Variants in RYR2 observed in about 807,000 individuals in gnomAD.
The protein encoded by RYR2 is cardiac muscle ryanodine receptor-calcium release channel.
In RYR2, 227 loss-of-function variants were observed where a neutral mutation model predicts 601.1. That is an observed-to-expected ratio of 0.38 (90% CI 0.34 to 0.42). The LOEUF (loss-of-function observed/expected upper bound fraction) is 0.42. RYR2 is among the 10% of genes least tolerant of loss of function. The probability of loss-of-function intolerance (pLI) is 1.00; values close to 1 mark genes in which losing one functional copy is unlikely to be tolerated. For synonymous variants in RYR2, 2,223 were observed against 2,175.1 expected (o/e 1.02, Z -0.61); for missense variants, 4,646 against 6,156.5 (o/e 0.75, Z 8.21).
intron 75 of RYR2, 59 bp downstream of exon 75, chr1:237,726,367 A>AT (rs1553301721): frequency 2.7e-6 from 3 of 1,095,468 alleles, no homozygotes; most frequent in East Asian, 2.5e-5. Flanking sequence ...ATATGTTGGG[A>AT]TTTTTTCTTT....
chr1:237,317,028 C>G (rs1695181532), intron 2 of RYR2, among the ~76,000 whole-genome samples: 2 of 152,122 alleles, frequency 1.3e-5, no homozygotes, highest in African/African-American at 4.8e-5. Flanking sequence ...GGAAAGAACC[C>G]TACCTCCCCA....
At chr1:237,682,332 C>T (rs1485364195) in intron 62 of RYR2, among the ~76,000 whole-genome samples, 1 of 152,038 alleles carries the variant, frequency 6.6e-6, no homozygotes. Flanking sequence ...AGTTGATGTC[C>T]CTTTGGGGCT....
rs113486481 is a variant in RYR2, at chr1:237,131,783, C to T, written c.48+89214C>T. ...TCACCCAGGCTGTAGTGCAGTGGCACGATCATGGCTCATTGCAGCTTCGAC... is the reference window on the plus strand; with the variant it reads ...TCACCCAGGCTGTAGTGCAGTGGCATGATCATGGCTCATTGCAGCTTCGAC... On this transcript the variant is annotated intron_variant, in intron 1 of 104. Transcript: ENST00000366574. Among the ~76,000 whole-genome samples the T allele has an allele frequency of 4.5e-3, 686 of 152,016 alleles. 3 individuals carry two copies. The highest frequency in any genetic ancestry group is 0.015 in the African/African-American group (639 of 41,452).
chr1:237,348,057 G>C (rs2149653703), intron 3 of RYR2, among the ~76,000 whole-genome samples: 1 of 152,224 alleles, frequency 6.6e-6, no homozygotes, highest in East Asian at 1.9e-4. Flanking sequence ...GACAACGTAG[G>C]CAGAATTTGA....
At chr1:237,247,770 ATTGTT>A (rs1687006321) in intron 1 of RYR2, among the ~76,000 whole-genome samples, 1 of 152,174 alleles carries the variant, frequency 6.6e-6, no homozygotes, top group Non-Finnish European at 1.5e-5. Context: ...GAAAAAAATC[ATTGTT>A]TTAAGAGGGA....
chr1:237,095,954 T>G (rs535142559), intron 1 of RYR2, among the ~76,000 whole-genome samples: 35 of 152,222 alleles, frequency 2.3e-4, no homozygotes, highest in Non-Finnish European at 4.7e-4. Flanking sequence ...CACCTTCCAC[T>G]GGAGCCATTC....
At chr1:237,315,303 T>G (rs1695003589) in intron 2 of RYR2, among the ~76,000 whole-genome samples, 1 of 152,184 alleles carries the variant, frequency 6.6e-6, no homozygotes, top group Non-Finnish European at 1.5e-5. Flanking sequence ...CATTTTAATG[T>G]TTGAGTCTGA....
chr1:237,149,198 A>G (rs912684780), intron 1 of RYR2, among the ~76,000 whole-genome samples: 2 of 152,128 alleles, frequency 1.3e-5, no homozygotes, highest in Admixed American at 6.6e-5. Flanking sequence ...GGTGTCGCTT[A>G]TTTTCTATGC....
At chr1:237,434,854 C>A (rs1057421030) in intron 12 of RYR2, among the ~76,000 whole-genome samples, 2 of 152,130 alleles carry the variant, frequency 1.3e-5, no homozygotes, top group Non-Finnish European at 2.9e-5. Context: ...TGGCTCACTG[C>A]AACCTCCACC....
In RYR2 at chr1:237,464,856, G is replaced by A. The variant is rs148677627; in HGVS notation, c.1613-4236G>A. Among the ~76,000 whole-genome samples, 82 of 152,256 alleles carry A rather than the reference G, an allele frequency of 5.4e-4. 1 individual carries two copies. Among genetic ancestry groups the A allele is most frequent in the African/African-American group, 1.9e-3 (79 of 41,546 alleles). On this transcript the variant is annotated intron_variant, in intron 16 of 104. Coordinates refer to ENST00000366574, the MANE Select transcript of RYR2 (RefSeq NM_001035.3). ...TTTAGCAGATGTACACTTCTGTGCT[G>A]AGGTAATGTCACCATTTACTTATTT... is the stretch of plus-strand genomic sequence containing the variant.
intron 1 of RYR2, among the ~76,000 whole-genome samples, chr1:237,249,688 A>G (rs765855602): frequency 2.0e-5 from 3 of 152,180 alleles, no homozygotes; most frequent in Non-Finnish European, 4.4e-5. Flanking sequence ...CCACTCTAGC[A>G]TTGGCCTCAA....
chr1:237,387,121 T>G (rs761040801), intron 8 of RYR2, among the ~76,000 whole-genome samples, 160 bp from the exon 9 acceptor site: 4 of 152,238 alleles, frequency 2.6e-5, no homozygotes, highest in Non-Finnish European at 4.4e-5. Flanking sequence ...GGAACTTCTT[T>G]TCTTCTGACT....
intron 1 of RYR2, among the ~76,000 whole-genome samples, chr1:237,139,426 G>C (rs2148748413): frequency 6.6e-6 from 1 of 152,262 alleles, no homozygotes; most frequent in Non-Finnish European, 1.5e-5. Context: ...TTTTTGGGGG[G>C]ATAAAAATGT....
At chr1:237,487,610 C>A (rs1480975794) in intron 17 of RYR2, among the ~76,000 whole-genome samples, 3 of 150,350 alleles carry the variant, frequency 2.0e-5, no homozygotes, top group Non-Finnish European at 4.4e-5. Context: ...ATAGTCCCAG[C>A]CACTCAGGAG....
In RYR2 at chr1:237,584,649, G is replaced by GTTTTTTTTTTTT. The variant is rs61131096; in HGVS notation, c.3599-5131_3599-5120dup. On this transcript the variant is annotated intron_variant, in intron 29 of 104. Transcript: ENST00000366574. Reference sequence around the variant, plus strand: ...AAGGCCCAAATCCAGCTCACCACCTGTTTTTTTTTTTTTTTTTTTTTTTTG... The same window carrying GTTTTTTTTTTTT: ...AAGGCCCAAATCCAGCTCACCACCTGTTTTTTTTTTTTTTTTTTTTTTTTTTTTTTTTTTTTG... Among the ~76,000 whole-genome samples the GTTTTTTTTTTTT allele has an allele frequency of 4.1e-5, 3 of 72,468 alleles. 1 individual carries two copies. Among genetic ancestry groups the GTTTTTTTTTTTT allele is most frequent in the African/African-American group, 1.1e-4 (2 of 18,782 alleles). The allele number at this position is 72,468 out of a possible 152,430, so 47.5% of individuals were successfully genotyped here.
chr1:237,204,177 A>G (rs981943997), intron 1 of RYR2, among the ~76,000 whole-genome samples: 1 of 151,942 alleles, frequency 6.6e-6, no homozygotes, highest in African/African-American at 2.4e-5. Flanking sequence ...CGCCTGGCTA[A>G]TTTTGTATTT....
intron 48 of RYR2, 144 bp downstream of exon 48, chr1:237,643,591 TGTAAA>T: frequency 1.3e-6 from 1 of 782,654 alleles, no homozygotes; most frequent in South Asian, 2.8e-5. Flanking sequence ...TTAAAAAAGC[TGTAAA>T]GTATATATTT....
At chr1:237,532,043 G>A (rs1668186323) in intron 25 of RYR2, among the ~76,000 whole-genome samples, 1 of 152,026 alleles carries the variant, frequency 6.6e-6, no homozygotes, top group Admixed American at 6.6e-5. Context: ...TTATAAGTAA[G>A]ATATGTATCT....
intron 62 of RYR2, among the ~76,000 whole-genome samples, chr1:237,681,227 A>G (rs1188163353): frequency 1.3e-5 from 2 of 152,224 alleles, no homozygotes; most frequent in African/African-American, 4.8e-5. Context: ...AGTCCATACC[A>G]AGCTTTTAGA....
Sources: gnomAD v4.1 joint callset for allele counts (sites outside exome capture counted in the v4.1 genomes callset) on GRCh38, gnomAD v4.1.1 for gene constraint, MANE v1.5 for transcripts, NCBI Gene and HGNC (gene_info 2026-07-23, HGNC 2026-07-21) for gene names.